The following SLC1A3 variants were observed in gnomAD, a reference collection of about 807,000 sequenced individuals.
SLC1A3 encodes the protein excitatory amino acid transporter 1.
A neutral mutation model predicts 48.1 loss-of-function variants in SLC1A3; 21 were observed. That is an observed-to-expected ratio of 0.44 (90% CI 0.31 to 0.63). The LOEUF (loss-of-function observed/expected upper bound fraction) is 0.63, where lower values mean the gene tolerates loss of function less well. Among genes scored for constraint, SLC1A3 ranks in the 20% least tolerant of loss-of-function variants. The pLI is 0.08. For synonymous variants in SLC1A3, 239 were observed against 251.4 expected (o/e 0.95, Z 0.47); for missense variants, 546 against 689.0 (o/e 0.79, Z 2.32).
At chr5:36,673,269 C>T (rs1295475254) in intron 4 of SLC1A3, among the ~76,000 whole-genome samples, 1 of 152,142 alleles carries the variant, frequency 6.6e-6, no homozygotes, top group Non-Finnish European at 1.5e-5. Context: ...GATCATTTCT[C>T]CTTCTCCCAT....
intron 9 of SLC1A3, among the ~76,000 whole-genome samples, chr5:36,685,689 G>A (rs955960581): frequency 1.3e-5 from 2 of 152,206 alleles, no homozygotes; most frequent in African/African-American, 4.8e-5. Context: ...TTTCACAACT[G>A]CTTCAGTGAG....
chr5:36,675,207 T>C (rs981961940), intron 5 of SLC1A3, among the ~76,000 whole-genome samples: 1 of 152,032 alleles, frequency 6.6e-6, no homozygotes, highest in South Asian at 2.1e-4. Context: ...ATTTTTAATA[T>C]GTAATGCATG....
chr5:36,686,863 G>A lies in SLC1A3; in HGVS notation c.*594G>A, dbSNP rs10428531. 2,810 of 164,734 alleles carry A rather than the reference G, an allele frequency of 0.017. 89 individuals are homozygous for A. The highest frequency in any genetic ancestry group is 0.064 in the African/African-American group (2,670 of 41,560). 10.2% of individuals were successfully genotyped at this position (164,734 alleles called of 1,614,324 possible). On this transcript the variant is annotated 3_prime_UTR_variant, in exon 10 of 10. Coordinates refer to ENST00000265113, the MANE Select transcript of SLC1A3 (RefSeq NM_004172.5). ...TGAGCAAGTCCCATCTCACCTCTAG[G>A]CCTCAGTGTCCTCATCTATAAAATG...
intron 3 of SLC1A3, among the ~76,000 whole-genome samples, chr5:36,638,405 A>C (rs1431079598): frequency 1.3e-5 from 2 of 152,116 alleles, no homozygotes; most frequent in Non-Finnish European, 2.9e-5. Flanking sequence ...CTTCATCCTT[A>C]GTATGCTTCC....
intron 3 of SLC1A3, among the ~76,000 whole-genome samples, chr5:36,637,382 C>T (rs868456579): frequency 2.0e-5 from 3 of 152,180 alleles, no homozygotes; most frequent in Non-Finnish European, 2.9e-5. Context: ...AAAAGGCATA[C>T]GGCTTTGTTG....
chr5:36,626,017 CTG>C (rs1398321314), intron 2 of SLC1A3, among the ~76,000 whole-genome samples: 1 of 152,228 alleles, frequency 6.6e-6, no homozygotes, highest in Non-Finnish European at 1.5e-5. Context: ...AGGTAAGAGA[CTG>C]TGTCATTCAC....
chr5:36,619,818 T>G (rs1230561218), intron 2 of SLC1A3, among the ~76,000 whole-genome samples: 1 of 152,222 alleles, frequency 6.6e-6, no homozygotes, highest in African/African-American at 2.4e-5. Context: ...TGCTAAAACA[T>G]TTTTTGACTC....
upstream of SLC1A3, among the ~76,000 whole-genome samples, chr5:36,605,993 C>A (rs1240255621): frequency 6.6e-6 from 1 of 152,200 alleles, no homozygotes; most frequent in Non-Finnish European, 1.5e-5. Context: ...ACATTTGCTA[C>A]CTTTTCCGTC....
rs1383191215 is a variant in SLC1A3 at position 36,680,570 on chromosome 5, G to A, written c.1270G>A (p.Gly424Arg). ...AGTTAACAACTTTGAACTGAACTTCGGACAAATTATTACAATCAGGTACAA... is the reference window on the plus strand; with the variant it reads ...AGTTAACAACTTTGAACTGAACTTCAGACAAATTATTACAATCAGGTACAA... The part of the protein sequence containing the change: ...AQVNNFELNF[G>R]QIITISITAT... Residue 424 changes from glycine (G) to arginine (R), a missense_variant, in exon 8 of 10, where the codon GGA becomes AGA. Gly to Arg is a moderately radical substitution (Grantham distance 125, BLOSUM62 -2). Coordinates refer to ENST00000265113, the MANE Select transcript of SLC1A3 (RefSeq NM_004172.5). 8 of 1,613,762 alleles carry A rather than the reference G, an allele frequency of 5.0e-6. No individual in the cohort carries two copies. Among genetic ancestry groups the A allele is most frequent in the African/African-American group, 4.0e-5 (3 of 74,916 alleles).
At chr5:36,606,184 C>T (rs950761950), upstream of SLC1A3, among the ~76,000 whole-genome samples, 2 of 152,152 alleles carry the variant, frequency 1.3e-5, no homozygotes, top group African/African-American at 4.8e-5. Flanking sequence ...CAGTTAATTC[C>T]CCGATTCGAA....
chr5:36,632,373 A>T (rs3776567), intron 3 of SLC1A3, among the ~76,000 whole-genome samples: 4 of 152,158 alleles, frequency 2.6e-5, no homozygotes, highest in African/African-American at 9.7e-5. Flanking sequence ...ATTTGAACTC[A>T]GGTTTGAATG....
chr5:36,629,312 C>T, intron 2 of SLC1A3, 138 bp from the exon 3 acceptor site: 1 of 749,506 alleles, frequency 1.3e-6, no homozygotes, highest in Non-Finnish European at 2.2e-6. Context: ...ACATCTCTTG[C>T]TCCCAAAGCA....
At chr5:36,673,917 C>T (rs1196969768) in intron 4 of SLC1A3, 132 bp from the exon 5 acceptor site, 3 of 757,686 alleles carry the variant, frequency 4.0e-6, no homozygotes, top group East Asian at 2.5e-5. Flanking sequence ...GCTGTAAAAT[C>T]CACTAACATT....
At chr5:36,647,488 GAAT>G (rs1464257901) in intron 3 of SLC1A3, among the ~76,000 whole-genome samples, 1 of 152,184 alleles carries the variant, frequency 6.6e-6, no homozygotes, top group Non-Finnish European at 1.5e-5. Flanking sequence ...TTGTTAAGAA[GAAT>G]ATTTCCTTTG....
At chr5:36,646,194 C>A (rs1383110802) in intron 3 of SLC1A3, among the ~76,000 whole-genome samples, 2 of 152,198 alleles carry the variant, frequency 1.3e-5, no homozygotes, top group African/African-American at 2.4e-5. Flanking sequence ...CATTGCTTGG[C>A]TGGTGCAACT....
At chr5:36,660,270 CT>C (rs1487698230) in intron 3 of SLC1A3, among the ~76,000 whole-genome samples, 2 of 152,106 alleles carry the variant, frequency 1.3e-5, no homozygotes, top group Admixed American at 6.5e-5. Flanking sequence ...CTCTATACGC[CT>C]TCCTAGACCC....
chr5:36,608,167 C>A, intron 1 of SLC1A3, 162 bp from the exon 2 acceptor site: 1 of 456,260 alleles, frequency 2.2e-6, no homozygotes, highest in South Asian at 3.9e-5. Flanking sequence ...ACGTGGTCCA[C>A]TAAAATATGC....
At chr5:36,643,802 G>A (rs1417305944) in intron 3 of SLC1A3, among the ~76,000 whole-genome samples, 2 of 152,030 alleles carry the variant, frequency 1.3e-5, no homozygotes, top group East Asian at 1.9e-4. Flanking sequence ...AGACCAGCCT[G>A]GCCAACATGG....
intron 2 of SLC1A3, among the ~76,000 whole-genome samples, chr5:36,623,785 AC>A (rs2111730900): frequency 6.6e-6 from 1 of 150,918 alleles, no homozygotes; most frequent in Admixed American, 6.6e-5. Context: ...AATCGCTTGA[AC>A]CCAGAGGCAG....
Sources: gnomAD v4.1 joint callset for allele counts (sites outside exome capture counted in the v4.1 genomes callset) on GRCh38, gnomAD v4.1.1 for gene constraint, MANE v1.5 for transcripts, NCBI Gene and HGNC (gene_info 2026-07-23, HGNC 2026-07-21) for gene names.